FHOD3: variants seen among roughly 807,000 people sequenced by gnomAD.
FHOD3 encodes the protein formin homology 2 domain containing 3.
FHOD3 carries 90 observed loss-of-function variants against 173.0 expected under a neutral mutation model. That is an observed-to-expected ratio of 0.52 (90% CI 0.44 to 0.62). The LOEUF (loss-of-function observed/expected upper bound fraction) is 0.62, where lower values mean the gene tolerates loss of function less well. Among genes scored for constraint, FHOD3 ranks in the 20% least tolerant of loss-of-function variants. The pLI is 0.00. For missense variants in FHOD3, 1,945 were observed against 2,034.7 expected (o/e 0.96, Z 0.85); for synonymous variants, 828 against 823.0 (o/e 1.01, Z -0.10).
intron 5 of FHOD3, among the ~76,000 whole-genome samples, chr18:36,521,991 T>C (rs867481): frequency 0.57 from 86,719 of 152,046 alleles, 24,768 homozygotes; most frequent in East Asian, 0.62. Context: ...TAGATTGGAG[T>C]TCAGATATTG....
chr18:36,591,256 T>G (rs1214278571), intron 6 of FHOD3, among the ~76,000 whole-genome samples: 6 of 152,178 alleles, frequency 3.9e-5, no homozygotes, highest in African/African-American at 1.2e-4. Flanking sequence ...GGGCAGATAC[T>G]CTCCGAAGAG....
intron 5 of FHOD3, among the ~76,000 whole-genome samples, chr18:36,544,349 C>A (rs2057336764): frequency 6.6e-6 from 1 of 152,246 alleles, no homozygotes; most frequent in East Asian, 1.9e-4. Context: ...TTTGCTTGTT[C>A]TGTGTTGACT....
At chr18:36,371,967 T>C (rs1045134409) in intron 2 of FHOD3, among the ~76,000 whole-genome samples, 5 of 150,906 alleles carry the variant, frequency 3.3e-5, no homozygotes, top group African/African-American at 1.2e-4. Flanking sequence ...ACTCATGTTT[T>C]CTCCCCTTTA....
intron 1 of FHOD3, among the ~76,000 whole-genome samples, chr18:36,318,305 A>G (rs2044227983): frequency 6.6e-6 from 1 of 152,210 alleles, no homozygotes; most frequent in Admixed American, 6.5e-5. Context: ...GAATCTATAA[A>G]TTACTTTGGG....
At chr18:36,515,870 C>G (rs2055943816) in intron 5 of FHOD3, among the ~76,000 whole-genome samples, 1 of 152,178 alleles carries the variant, frequency 6.6e-6, no homozygotes, top group Admixed American at 6.5e-5. Flanking sequence ...TCCTTCTTTC[C>G]ACAGAACAGA....
chr18:36,675,548 C>T (rs965032806), intron 14 of FHOD3, among the ~76,000 whole-genome samples: 7 of 152,166 alleles, frequency 4.6e-5, no homozygotes, highest in Admixed American at 4.6e-4. Context: ...GCCTCCTATG[C>T]CACTGGATAG....
At position 36,366,257 on chromosome 18, in the gene FHOD3, T is replaced by C. The variant is rs141890247; in HGVS notation, c.273-6423T>C. Among the ~76,000 whole-genome samples the C allele has an allele frequency of 2.5e-3, 379 of 152,036 alleles. 3 individuals are homozygous for C. Among genetic ancestry groups the C allele is most frequent in the African/African-American group, 8.6e-3 (356 of 41,444 alleles). On this transcript the variant is annotated intron_variant, in intron 2 of 28. Transcript: ENST00000590592. The stretch of plus-strand genomic sequence containing the variant: ...AAGAGAGAACGAGAAAAAGGTATGA[T>C]GAGGAGAGAGGTGGGAGGAATGAGA...
intron 3 of FHOD3, among the ~76,000 whole-genome samples, chr18:36,421,993 A>G (rs1038155463): frequency 2.0e-5 from 3 of 152,220 alleles, no homozygotes; most frequent in Non-Finnish European, 2.9e-5. Flanking sequence ...TTAAAAAGCT[A>G]TTTAATTAAA....
At chr18:36,571,546 A>C (rs2147891669) in intron 5 of FHOD3, among the ~76,000 whole-genome samples, 1 of 152,356 alleles carries the variant, frequency 6.6e-6, no homozygotes, top group East Asian at 1.9e-4. Flanking sequence ...AAAAGGCAAA[A>C]GAACAAGAAT....
At chr18:36,754,260 C>T (rs1162720180) in intron 24 of FHOD3, among the ~76,000 whole-genome samples, 5 of 152,028 alleles carry the variant, frequency 3.3e-5, no homozygotes, top group Non-Finnish European at 7.4e-5. Flanking sequence ...TTAAAAAATC[C>T]ATATTCAAGC....
At chr18:36,513,236 G>T (rs2055763465) in intron 5 of FHOD3, among the ~76,000 whole-genome samples, 1 of 150,968 alleles carries the variant, frequency 6.6e-6, no homozygotes, top group Non-Finnish European at 1.5e-5. Context: ...GGAATGATTA[G>T]GTTGAACCGT....
At chr18:36,612,152 G>A in intron 9 of FHOD3, 57 bp downstream of exon 9, 1 of 1,571,826 alleles carries the variant, frequency 6.4e-7, no homozygotes, top group Non-Finnish European at 8.6e-7. Context: ...GTCAAAGGCT[G>A]AGATGGCGCC....
intron 3 of FHOD3, among the ~76,000 whole-genome samples, chr18:36,378,931 C>T (rs2047595049): frequency 6.6e-6 from 1 of 152,110 alleles, no homozygotes; most frequent in Admixed American, 6.5e-5. Flanking sequence ...GCGATCTGCC[C>T]ACCTCGGTCT....
At chr18:36,751,270 G>T (rs190384460) in intron 24 of FHOD3, among the ~76,000 whole-genome samples, 1 of 152,174 alleles carries the variant, frequency 6.6e-6, no homozygotes, top group African/African-American at 2.4e-5. Flanking sequence ...TTCTGATTTG[G>T]CTCTCAGCTT....
chr18:36,426,513 T>C (rs1167543657), intron 3 of FHOD3, among the ~76,000 whole-genome samples: 1 of 152,140 alleles, frequency 6.6e-6, no homozygotes, highest in Non-Finnish European at 1.5e-5. Flanking sequence ...GCCTGAGGAA[T>C]TGTGGGGACT....
intron 16 of FHOD3, among the ~76,000 whole-genome samples, chr18:36,688,265 C>T (rs1002344019): frequency 8.5e-5 from 13 of 152,178 alleles, no homozygotes; most frequent in African/African-American, 3.1e-4. Context: ...CTTTTAACAC[C>T]TTTTATGCTG....
chr18:36,641,564 T>A (rs1269664837), intron 10 of FHOD3, among the ~76,000 whole-genome samples: 1 of 152,184 alleles, frequency 6.6e-6, no homozygotes. Context: ...CCTGCTACAG[T>A]GAGTTGTTTA....
intron 8 of FHOD3, 44 bp downstream of exon 8, chr18:36,602,812 AT>A: frequency 6.9e-7 from 1 of 1,441,334 alleles, no homozygotes; most frequent in Non-Finnish European, 9.8e-7. Context: ...ACCTAAAAAG[AT>A]ATGTTAAAGC....
chr18:36,416,516 C>A (rs1049423676), intron 3 of FHOD3, among the ~76,000 whole-genome samples: 1 of 152,188 alleles, frequency 6.6e-6, no homozygotes, highest in South Asian at 2.1e-4. Context: ...ATTAGCACAC[C>A]CTCCACAGCC....
Sources: gnomAD v4.1 joint callset for allele counts (sites outside exome capture counted in the v4.1 genomes callset) on GRCh38, gnomAD v4.1.1 for gene constraint, MANE v1.5 for transcripts, NCBI Gene and HGNC (gene_info 2026-07-23, HGNC 2026-07-21) for gene names.